PHF20: variants seen among roughly 807,000 people sequenced by gnomAD.
PHF20 encodes the protein glioma-expressed antigen 2.
PHF20 carries 23 observed loss-of-function variants against 113.5 expected under a neutral mutation model. The ratio of observed to expected loss-of-function variants is 0.20; its 90% CI spans 0.15 to 0.29. PHF20 has a LOEUF of 0.29. Ranked by LOEUF, PHF20 falls within the 10% of genes least tolerant of loss-of-function variation. PHF20 has a pLI of 1.00. For synonymous variants in PHF20, 434 were observed against 457.3 expected (o/e 0.95, Z 0.65); for missense variants, 943 against 1,219.6 (o/e 0.77, Z 3.38).
At chr20:35,898,939 G>A (rs181117208) in intron 9 of PHF20, among the ~76,000 whole-genome samples, 1 of 152,108 alleles carries the variant, frequency 6.6e-6, no homozygotes, top group Admixed American at 6.6e-5. Flanking sequence ...AATAAAGATG[G>A]GGTTTTACCA....
At chr20:35,849,763 C>G (rs767646705) in intron 4 of PHF20, among the ~76,000 whole-genome samples, 6 of 151,096 alleles carry the variant, frequency 4.0e-5, no homozygotes, top group Non-Finnish European at 7.4e-5. Context: ...GCAAGGCGGC[C>G]CCTTTATTTC....
chr20:35,834,142 A>T (rs568870720), intron 2 of PHF20, among the ~76,000 whole-genome samples: 1 of 151,648 alleles, frequency 6.6e-6, no homozygotes, highest in African/African-American at 2.4e-5. Flanking sequence ...AGCAGCAGAA[A>T]CCCAGACTGT....
intron 2 of PHF20, among the ~76,000 whole-genome samples, chr20:35,814,489 T>C (rs1483479653): frequency 6.6e-6 from 1 of 151,056 alleles, no homozygotes; most frequent in Non-Finnish European, 1.5e-5. Context: ...GGTGCTGGGA[T>C]TACAGGCGTG....
At chr20:35,850,466 A>G (rs1189754312) in intron 4 of PHF20, among the ~76,000 whole-genome samples, 1 of 149,240 alleles carries the variant, frequency 6.7e-6, no homozygotes, top group East Asian at 1.9e-4. Flanking sequence ...ATGCCACACC[A>G]CACCTGGCTA....
At chr20:35,806,018 C>T (rs1325819054) in intron 2 of PHF20, among the ~76,000 whole-genome samples, 1 of 151,964 alleles carries the variant, frequency 6.6e-6, no homozygotes, top group African/African-American at 2.4e-5. Flanking sequence ...GCGCCCGCCA[C>T]CACACCCAGC....
chr20:35,949,059 G>C lies in PHF20; in HGVS notation c.*1432G>C, dbSNP rs2056133486. 1 of 152,626 alleles carries C rather than the reference G, an allele frequency of 6.6e-6. No individual in the cohort carries two copies. The highest frequency in any genetic ancestry group is 2.1e-4 in the South Asian group (1 of 4,834). 9.5% of individuals were successfully genotyped at this position (152,626 alleles called of 1,614,324 possible). A position where few individuals can be genotyped will look rare whatever the true frequency, so the allele number is the denominator to read the frequency against. Reference sequence around the variant, plus strand: ...GGCCTCTGTACTAAAATCTATTTCAGGGAATGTTCTGTCTAGTGATTTGCT... The same window carrying C: ...GGCCTCTGTACTAAAATCTATTTCACGGAATGTTCTGTCTAGTGATTTGCT... On this transcript the variant is annotated 3_prime_UTR_variant, in exon 18 of 18. Transcript: ENST00000374012.
rs183289730 is a variant in PHF20, at chr20:35,792,377, C to T, written c.-32-9114C>T. ...TAATTTTTTGTATTTTTAGTAGAGA[C>T]GGGGTTTCACCATGTTGGCCAGGCT... On this transcript the variant is annotated intron_variant, in intron 1 of 17. Coordinates refer to ENST00000374012, the MANE Select transcript of PHF20 (RefSeq NM_016436.5). Among the ~76,000 whole-genome samples the T allele has an allele frequency of 1.1e-3, 172 of 151,992 alleles. 1 individual carries two copies. Among genetic ancestry groups the T allele is most frequent in the Non-Finnish European group, 1.4e-3 (93 of 67,940 alleles).
Position 35,854,146 on chromosome 20 carries a change from A to T in PHF20, c.341-4156A>T, listed in dbSNP as rs148465068. On this transcript the variant is annotated intron_variant, in intron 4 of 17. Coordinates refer to ENST00000374012, the MANE Select transcript of PHF20 (RefSeq NM_016436.5). ...ACAGAAATCTGTCCAATCCAAAATC[A>T]CCCATGTATTATCCCTATGTCTTTG... Among the ~76,000 whole-genome samples, 808 of 152,276 alleles carry T rather than the reference A, an allele frequency of 5.3e-3. 9 individuals carry two copies. The highest frequency in any genetic ancestry group is 0.019 in the African/African-American group (775 of 41,564).
At chr20:35,893,556 G>C (rs934232186) in intron 9 of PHF20, among the ~76,000 whole-genome samples, 1 of 152,006 alleles carries the variant, frequency 6.6e-6, no homozygotes. Context: ...CACCCACCTC[G>C]GTCTCCTAAA....
chr20:35,786,988 G>GTTTT (rs954417364), intron 1 of PHF20, among the ~76,000 whole-genome samples: 1 of 128,624 alleles, frequency 7.8e-6, no homozygotes. Flanking sequence ...TCTCTTTCCT[G>GTTTT]TTTTTTTTTT....
intron 1 of PHF20, among the ~76,000 whole-genome samples, chr20:35,796,548 G>A (rs534338878): frequency 3.7e-4 from 56 of 152,136 alleles, no homozygotes; most frequent in Non-Finnish European, 6.0e-4. Context: ...CCCAGGAGGT[G>A]TTCTAGTGTA....
chr20:35,774,087 CTT>C (rs113868177), intron 1 of PHF20, among the ~76,000 whole-genome samples: 6 of 143,058 alleles, frequency 4.2e-5, no homozygotes, highest in Non-Finnish European at 7.7e-5. Context: ...TGTCAATCTT[CTT>C]TTTTTTTTTT....
intron 12 of PHF20, chr20:35,917,065 T>G: frequency 3.2e-6 from 1 of 312,482 alleles, no homozygotes; most frequent in Non-Finnish European, 6.3e-6. Flanking sequence ...TGCTCAGCCT[T>G]TGTTTACAGA....
intron 2 of PHF20, among the ~76,000 whole-genome samples, chr20:35,830,408 C>A (rs373925583): frequency 6.6e-6 from 1 of 152,218 alleles, no homozygotes; most frequent in African/African-American, 2.4e-5. Flanking sequence ...CCTCAAGGTT[C>A]ATCTGTGTTG....
intron 9 of PHF20, among the ~76,000 whole-genome samples, chr20:35,894,971 C>T (rs774439321): frequency 6.6e-6 from 1 of 152,152 alleles, no homozygotes; most frequent in South Asian, 2.1e-4. Flanking sequence ...TCTCCTGCCT[C>T]GGCCTCCTGA....
rs570878082 is a variant in PHF20, at chr20:35,851,273, A to G, written c.340+3839A>G. On this transcript the variant is annotated intron_variant, in intron 4 of 17. Transcript: ENST00000374012. The stretch of plus-strand genomic sequence containing the variant: ...AATCAGCTCCTTCTTCCTAAAAAAT[A>G]TGCATATTTTTGGGTCATGTCCCCT... 1.1e-4 allele frequency among the ~76,000 whole-genome samples: 16 copies of G among 152,278 alleles called. No individual in the cohort carries two copies. In the East Asian group the frequency reaches 3.1e-3, roughly 29 times the overall value.
At chr20:35,791,767 C>T (rs545018791) in intron 1 of PHF20, among the ~76,000 whole-genome samples, 35 of 151,832 alleles carry the variant, frequency 2.3e-4, no homozygotes, top group African/African-American at 8.2e-4. Flanking sequence ...ATGGCTGAGA[C>T]TTAGAAGCAG....
intron 17 of PHF20, among the ~76,000 whole-genome samples, chr20:35,942,884 T>C (rs968966434): frequency 3.3e-5 from 5 of 151,854 alleles, no homozygotes; most frequent in Non-Finnish European, 5.9e-5. Flanking sequence ...AGTGCAGTGG[T>C]GCCATCTCAG....
At chr20:35,929,099 C>A (rs1225794727) in intron 14 of PHF20, among the ~76,000 whole-genome samples, 1 of 152,256 alleles carries the variant, frequency 6.6e-6, no homozygotes, top group Non-Finnish European at 1.5e-5. Flanking sequence ...AGAGCCTCTG[C>A]TTCCGTTACT....
Sources: allele counts gnomAD v4.1 joint callset (sites outside exome capture counted in the v4.1 genomes callset), GRCh38; gene constraint gnomAD v4.1.1; transcripts MANE v1.5; gene names NCBI Gene and HGNC (gene_info 2026-07-23, HGNC 2026-07-21).